The following AKT3 variants were observed in gnomAD, a reference collection of about 807,000 sequenced individuals.
AKT3 encodes RAC-gamma serine/threonine-protein kinase.
Under a neutral mutation model 65.3 loss-of-function variants are expected in AKT3, and 15 were observed. The observed-to-expected ratio is 0.23, with a 90% CI of 0.15 to 0.35. The LOEUF is 0.35. Among genes scored for constraint, AKT3 ranks in the 10% least tolerant of loss-of-function variants. AKT3 has a pLI of 1.00. For missense variants in AKT3, 243 were observed against 576.5 expected, an observed-to-expected ratio of 0.42 and a Z score of 5.92; for synonymous variants, 206 against 183.8, an observed-to-expected ratio of 1.12 and a Z score of -0.98.
At chr1:243,638,892 A>G (rs572590255) in intron 5 of AKT3, among the ~76,000 whole-genome samples, 1 of 152,240 alleles carries the variant, frequency 6.6e-6, no homozygotes, top group South Asian at 2.1e-4. Context: ...GCAGAAATCA[A>G]TTAAATTTTT....
chr1:243,626,904 T>A (rs1679211084), intron 6 of AKT3, among the ~76,000 whole-genome samples: 1 of 152,180 alleles, frequency 6.6e-6, no homozygotes, highest in Non-Finnish European at 1.5e-5. Flanking sequence ...AGAAAGCTTG[T>A]TAGTTTTCCC....
intron 12 of AKT3, among the ~76,000 whole-genome samples, chr1:243,518,757 G>A (rs1422535088): frequency 6.6e-6 from 1 of 152,062 alleles, no homozygotes. Context: ...TAAACTTTAT[G>A]GAAAATGTGT....
intron 3 of AKT3, chr1:243,687,577 C>T (rs767381567): frequency 9.2e-5 from 14 of 151,792 alleles, no homozygotes; most frequent in Admixed American, 7.2e-4. Flanking sequence ...TCTTGACTGC[C>T]GCAGTCATTT....
intron 2 of AKT3, among the ~76,000 whole-genome samples, chr1:243,772,696 C>T (rs1690265494): frequency 1.3e-5 from 2 of 152,086 alleles, no homozygotes; most frequent in South Asian, 2.1e-4. Context: ...GGTATATCCC[C>T]AAAGGAATAT....
chr1:243,500,966 A>G lies in AKT3; in HGVS notation c.*4283T>C. 4.4e-6 allele frequency: 1 copy of G among 228,094 alleles called. No individual in the cohort carries two copies. The allele number at this position is 228,094 out of a possible 1,614,324, so 14.1% of individuals were successfully genotyped here. On this transcript the variant is annotated 3_prime_UTR_variant, in exon 14 of 14. Coordinates refer to ENST00000673466, the MANE Select transcript of AKT3 (RefSeq NM_005465.7). ...TTTAGATATACTGTGAATAAATTAT[A>G]CAATATTCTAAAAATAGCACCTTTA...
At chr1:243,654,864 AT>A in intron 4 of AKT3, among the ~76,000 whole-genome samples, 1 of 151,868 alleles carries the variant, frequency 6.6e-6, no homozygotes. Flanking sequence ...TACATTGGGG[AT>A]TTTCCCACTA....
chr1:243,832,626 C>T (rs1003327466), intron 2 of AKT3, among the ~76,000 whole-genome samples: 2 of 152,126 alleles, frequency 1.3e-5, no homozygotes, highest in Admixed American at 6.5e-5. Flanking sequence ...AAATGAGATT[C>T]GCACTGATGT....
intron 3 of AKT3, among the ~76,000 whole-genome samples, chr1:243,674,573 A>C (rs1173314343): frequency 6.6e-6 from 1 of 152,228 alleles, no homozygotes; most frequent in Admixed American, 6.5e-5. Flanking sequence ...ATAAGACAGA[A>C]CTTTCACAGG....
At chr1:243,584,574 C>G (rs1424405554) in intron 8 of AKT3, among the ~76,000 whole-genome samples, 4 of 152,120 alleles carry the variant, frequency 2.6e-5, no homozygotes, top group Non-Finnish European at 5.9e-5. Flanking sequence ...AAAAACACAT[C>G]AAAAAGTTAA....
At chr1:243,678,932 ATCTC>A (rs958956967) in intron 3 of AKT3, among the ~76,000 whole-genome samples, 2 of 152,054 alleles carry the variant, frequency 1.3e-5, no homozygotes, top group African/African-American at 4.8e-5. Context: ...AAATGTGCCT[ATCTC>A]TCCTGCCTTC....
chr1:243,783,944 T>A (rs1261419642), intron 2 of AKT3, among the ~76,000 whole-genome samples: 9 of 152,182 alleles, frequency 5.9e-5, no homozygotes, highest in Non-Finnish European at 1.3e-4. Context: ...ACCTGTTGAA[T>A]GCTAATAAGT....
chr1:243,693,256 A>T (rs1197410747), intron 3 of AKT3, among the ~76,000 whole-genome samples: 2 of 66,054 alleles, frequency 3.0e-5, no homozygotes, highest in East Asian at 5.3e-4. Context: ...ATATATATAT[A>T]TATATATATA....
At chr1:243,686,306 G>C (rs893217306) in intron 3 of AKT3, among the ~76,000 whole-genome samples, 1 of 151,860 alleles carries the variant, frequency 6.6e-6, no homozygotes, top group African/African-American at 2.4e-5. Flanking sequence ...CCATAAGCAG[G>C]GTTTGGGAAT....
chr1:243,713,746 T>TAA (rs572960154), intron 2 of AKT3, among the ~76,000 whole-genome samples: 6,316 of 82,938 alleles, frequency 0.076, 679 homozygotes, highest in Middle Eastern at 0.095. Flanking sequence ...TTTGCCTTAA[T>TAA]AAAAAAAAAA....
chr1:243,610,112 T>A (rs1677761225), intron 8 of AKT3, among the ~76,000 whole-genome samples: 1 of 152,230 alleles, frequency 6.6e-6, no homozygotes, highest in Non-Finnish European at 1.5e-5. Context: ...TACATATGTA[T>A]TTTTGAAATA....
rs79608803 is a variant in AKT3, at chr1:243,776,827, G to A, written c.46+66298C>T. On this transcript the variant is annotated intron_variant, in intron 2 of 13. Coordinates refer to ENST00000673466, the MANE Select transcript of AKT3 (RefSeq NM_005465.7). The stretch of plus-strand genomic sequence containing the variant: ...CTAAATGTATCATGAGTTGTGCTAA[G>A]TGCAATAAAAAAAGATAAGGTGCCC... 2.4e-4 allele frequency among the ~76,000 whole-genome samples: 36 copies of A among 152,192 alleles called. No homozygotes were observed. The East Asian group carries it at 4.0e-3, about 17-fold the overall frequency.
chr1:243,672,726 T>C (rs1271547894), intron 3 of AKT3, among the ~76,000 whole-genome samples: 1 of 152,188 alleles, frequency 6.6e-6, no homozygotes, highest in African/African-American at 2.4e-5. Flanking sequence ...CCTAACACAT[T>C]TTTCTTCTTT....
chr1:243,532,914 AG>A (rs1362686748), intron 12 of AKT3, among the ~76,000 whole-genome samples: 1 of 152,200 alleles, frequency 6.6e-6, no homozygotes, highest in Non-Finnish European at 1.5e-5. Context: ...CATTTCATCT[AG>A]GTTACTCAAC....
intron 12 of AKT3, among the ~76,000 whole-genome samples, chr1:243,542,160 C>CA (rs1009849011): frequency 6.6e-5 from 10 of 152,266 alleles, no homozygotes; most frequent in South Asian, 2.1e-4. Flanking sequence ...AGCAGACTGA[C>CA]AGAGTGTAAA....
Sources: gnomAD v4.1 joint callset for allele counts (sites outside exome capture counted in the v4.1 genomes callset) on GRCh38, gnomAD v4.1.1 for gene constraint, MANE v1.5 for transcripts, NCBI Gene and HGNC (gene_info 2026-07-23, HGNC 2026-07-21) for gene names.